The following MTFR1 variants were observed in gnomAD, a reference collection of about 807,000 sequenced individuals.
The protein encoded by MTFR1 is mitochondrial fission regulator 1, also known as chondrocyte protein with a poly-proline region.
In MTFR1, 28 loss-of-function variants were observed where a neutral mutation model predicts 38.8. The observed-to-expected ratio is 0.72, with a 90% CI of 0.53 to 0.99. The LOEUF (loss-of-function observed/expected upper bound fraction) is 0.99, where lower values mean the gene tolerates loss of function less well. Ranked by LOEUF, MTFR1 falls within the 50% of genes least tolerant of loss-of-function variation. The pLI is 0.00. For synonymous variants in MTFR1, 145 were observed against 137.0 expected (o/e 1.06, Z -0.41); for missense variants, 358 against 395.5 (o/e 0.91, Z 0.81).
chr8:65,689,728 T>C (rs1303300588), intron 3 of MTFR1: 1 of 436,030 alleles, frequency 2.3e-6, no homozygotes, highest in Non-Finnish European at 3.4e-6. Context: ...ACTAAGTGCA[T>C]TGTCCTGGAA....
intron 1 of MTFR1, among the ~76,000 whole-genome samples, chr8:65,665,547 T>C (rs1452096738): frequency 6.6e-6 from 1 of 152,260 alleles, no homozygotes; most frequent in Admixed American, 6.5e-5. Flanking sequence ...TAAAGAGTTT[T>C]ACTCTCCAGC....
At chr8:65,770,033 C>T (rs910842483) in intron 3 of MTFR1, among the ~76,000 whole-genome samples, 8 of 151,914 alleles carry the variant, frequency 5.3e-5, no homozygotes, top group African/African-American at 1.2e-4. Flanking sequence ...AAAACACATA[C>T]AAAAAGTTAC....
At chr8:65,659,092 A>G in intron 1 of MTFR1, among the ~76,000 whole-genome samples, 1 of 152,152 alleles carries the variant, frequency 6.6e-6, no homozygotes, top group East Asian at 1.9e-4. Context: ...AGTACCAGAG[A>G]GCACTGTGAA....
chr8:65,689,605 T>C (rs1585781882), intron 3 of MTFR1: 2 of 1,273,530 alleles, frequency 1.6e-6, no homozygotes, highest in Middle Eastern at 2.2e-4. Context: ...CTTCAGTAAG[T>C]TGTCCTTTTC....
chr8:65,747,819 T>C, intron 3 of MTFR1: 1 of 1,583,290 alleles, frequency 6.3e-7, no homozygotes, highest in Non-Finnish European at 8.6e-7. Flanking sequence ...ATAAAAAGAA[T>C]AAAAGGTAAG....
intron 3 of MTFR1, chr8:65,724,398 A>T: frequency 7.9e-7 from 1 of 1,269,924 alleles, no homozygotes; most frequent in Non-Finnish European, 1.1e-6. Flanking sequence ...TACACACTTG[A>T]CAATAATACC....
downstream of MTFR1, among the ~76,000 whole-genome samples, chr8:65,774,244 T>C (rs1300285878): frequency 6.6e-6 from 1 of 152,246 alleles, no homozygotes. Context: ...AGTATTACTC[T>C]TTCGTGCTGT....
intron 1 of MTFR1, among the ~76,000 whole-genome samples, chr8:65,660,918 A>C (rs1376536657): frequency 2.6e-5 from 4 of 152,230 alleles, no homozygotes. Flanking sequence ...CAACCATGAG[A>C]ATACATGGAG....
At chr8:65,770,756 A>C (rs1323786553) in intron 3 of MTFR1, among the ~76,000 whole-genome samples, 4 of 152,242 alleles carry the variant, frequency 2.6e-5, no homozygotes, top group Non-Finnish European at 5.9e-5. Flanking sequence ...TAAAGGTGAT[A>C]CATATTACCA....
upstream of MTFR1, among the ~76,000 whole-genome samples, chr8:65,644,263 C>T (rs1031433410): frequency 2.0e-5 from 3 of 152,148 alleles, no homozygotes; most frequent in African/African-American, 7.2e-5. Flanking sequence ...ACTTTGTAAT[C>T]CCCGCACTCC....
At chr8:65,764,872 A>C (rs1350951496) in intron 3 of MTFR1, among the ~76,000 whole-genome samples, 4 of 152,238 alleles carry the variant, frequency 2.6e-5, no homozygotes, top group Admixed American at 2.6e-4. Context: ...TAATAAAGAC[A>C]ATATGAGACA....
chr8:65,690,704 A>G (rs1210647223), intron 3 of MTFR1, among the ~76,000 whole-genome samples: 2 of 152,170 alleles, frequency 1.3e-5, no homozygotes, highest in Non-Finnish European at 2.9e-5. Flanking sequence ...TCTACCAACT[A>G]GTCATTATAT....
rs1024484408 is a variant in MTFR1 at position 65,688,717 on chromosome 8, T to C, written c.166-4927T>C. Among the ~76,000 whole-genome samples, 5 of 151,372 alleles carry C rather than the reference T, an allele frequency of 3.3e-5. No homozygotes were observed. In the South Asian group the frequency reaches 1.0e-3, roughly 32 times the overall value. The stretch of plus-strand genomic sequence containing the variant: ...CCTTCAGGCTCCCAAAGTACTGGGA[T>C]TACAGGCGTAAGCCACCGCGCCCAG... On this transcript the variant is annotated intron_variant, in intron 3 of 7. Transcript: ENST00000262146.
chr8:65,713,250 G>A (rs1393304118), downstream of MTFR1, among the ~76,000 whole-genome samples: 1 of 151,970 alleles, frequency 6.6e-6, no homozygotes, highest in Non-Finnish European at 1.5e-5. Flanking sequence ...AGACCAGCCT[G>A]GCCAACATGG....
chr8:65,774,498 C>T (rs1809201505), downstream of MTFR1, among the ~76,000 whole-genome samples: 1 of 152,050 alleles, frequency 6.6e-6, no homozygotes, highest in Admixed American at 6.5e-5. Context: ...CTTTCTCTAA[C>T]ATATTGGTTC....
chr8:65,670,123 A>G lies in MTFR1; in HGVS notation c.66+105A>G, dbSNP rs145083072. On this transcript the variant is annotated intron_variant, in intron 2 of 7. Coordinates refer to ENST00000262146, the MANE Select transcript of MTFR1 (RefSeq NM_014637.4). Reference sequence around the variant, plus strand: ...ATATATGACCAACATCTTGAATTCAATATGTTTATGTACTGTTTAATTTGC... The same window carrying G: ...ATATATGACCAACATCTTGAATTCAGTATGTTTATGTACTGTTTAATTTGC... The G allele has an allele frequency of 1.1e-4, 103 of 945,494 alleles. 1 individual carries two copies. The African/African-American group carries it at 1.5e-3, about 14-fold the overall frequency. The allele number at this position is 945,494 out of a possible 1,614,324, so 58.6% of individuals were successfully genotyped here.
At chr8:65,664,848 A>G (rs1804329323) in intron 1 of MTFR1, among the ~76,000 whole-genome samples, 1 of 152,012 alleles carries the variant, frequency 6.6e-6, no homozygotes, top group Admixed American at 6.6e-5. Context: ...TTGGCTTCCA[A>G]AAGTGCTGGG....
chr8:65,766,091 G>A (rs6998190), intron 3 of MTFR1, among the ~76,000 whole-genome samples: 87,934 of 151,796 alleles, frequency 0.58, 28,590 homozygotes, highest in African/African-American at 0.89. Flanking sequence ...GATTACAGGC[G>A]CCCGCCACCA....
intron 2 of MTFR1, among the ~76,000 whole-genome samples, chr8:65,715,885 G>C (rs1052057203): frequency 6.7e-6 from 1 of 148,482 alleles, no homozygotes; most frequent in Non-Finnish European, 1.5e-5. Flanking sequence ...CGACCTGGGA[G>C]ACTGAGGCAG....
Sources: gnomAD v4.1 joint callset for allele counts (sites outside exome capture counted in the v4.1 genomes callset) on GRCh38, gnomAD v4.1.1 for gene constraint, MANE v1.5 for transcripts, NCBI Gene and HGNC (gene_info 2026-07-23, HGNC 2026-07-21) for gene names.